The following LRP12 variants were observed in gnomAD, a reference collection of about 807,000 sequenced individuals.
The protein encoded by LRP12 is LDL receptor related protein 12, also known as low-density lipoprotein receptor-related protein 12.
Under a neutral mutation model 66.0 loss-of-function variants are expected in LRP12, and 14 were observed. The observed-to-expected ratio is 0.21, with a 90% CI of 0.14 to 0.33. The LOEUF (loss-of-function observed/expected upper bound fraction) is 0.33, where lower values mean the gene tolerates loss of function less well. LRP12 is among the 10% of genes least tolerant of loss of function. The pLI, the probability that LRP12 is intolerant of heterozygous loss-of-function variation, is 1.00. For synonymous variants in LRP12, 357 were observed against 359.1 expected, an observed-to-expected ratio of 0.99 and a Z score of 0.07; for missense variants, 889 against 1,053.4, an observed-to-expected ratio of 0.84 and a Z score of 2.16.
At chr8:104,504,398 T>C (rs1458387897) in intron 3 of LRP12, 2 of 152,160 alleles carry the variant, frequency 1.3e-5, no homozygotes, top group African/African-American at 4.8e-5. Context: ...TTGAGTTAAA[T>C]GCTGAGCTTA....
chr8:104,588,644 G>A (rs1467462339), intron 1 of LRP12, among the ~76,000 whole-genome samples, 175 bp downstream of exon 1: 1 of 152,062 alleles, frequency 6.6e-6, no homozygotes, highest in Non-Finnish European at 1.5e-5. Context: ...GTGGAGAAAA[G>A]CATCTCCGTG....
chr8:104,586,458 TTTCA>T lies in LRP12; in HGVS notation c.79+2357_79+2360del, dbSNP rs367724147. ...GTTAACAGTGATTGTGAATATTCAG[TTTCA>T]TTAACAGAGCTAATTATTTTTGAAG... is the stretch of plus-strand genomic sequence containing the variant. On this transcript the variant is annotated intron_variant, in intron 1 of 6. Coordinates refer to ENST00000276654, the MANE Select transcript of LRP12 (RefSeq NM_013437.5). Among the ~76,000 whole-genome samples, 881 of 152,338 alleles carry T rather than the reference TTTCA, an allele frequency of 5.8e-3. 9 individuals are homozygous for T. The highest frequency in any genetic ancestry group is 0.02 in the African/African-American group (828 of 41,572).
intron 1 of LRP12, among the ~76,000 whole-genome samples, chr8:104,568,901 G>C (rs926067185): frequency 6.6e-6 from 1 of 152,140 alleles, no homozygotes; most frequent in African/African-American, 2.4e-5. Context: ...ATTACTATAT[G>C]AGTCAGTAAT....
chr8:104,513,934 G>A, intron 2 of LRP12, among the ~76,000 whole-genome samples: 1 of 152,142 alleles, frequency 6.6e-6, no homozygotes, highest in East Asian at 1.9e-4. Flanking sequence ...AACATGATCA[G>A]ACCTGTGTGT....
chr8:104,567,600 CA>C (rs1277277480), intron 1 of LRP12, among the ~76,000 whole-genome samples: 1 of 152,034 alleles, frequency 6.6e-6, no homozygotes, highest in African/African-American at 2.4e-5. Context: ...AAGGTATTCA[CA>C]GAAACAAAAA....
chr8:104,494,215 T>C (rs1810684678), intron 6 of LRP12, among the ~76,000 whole-genome samples: 1 of 152,192 alleles, frequency 6.6e-6, no homozygotes, highest in African/African-American at 2.4e-5. Context: ...CTTAGGTTTT[T>C]CCTACTTTGC....
chr8:104,505,856 T>A (rs1002376373), intron 3 of LRP12: 1 of 152,214 alleles, frequency 6.6e-6, no homozygotes, highest in Non-Finnish European at 1.5e-5. Flanking sequence ...GAATATTCGG[T>A]GTTTCTCCTG....
At chr8:104,570,153 C>A (rs1042517658) in intron 1 of LRP12, among the ~76,000 whole-genome samples, 3 of 152,090 alleles carry the variant, frequency 2.0e-5, no homozygotes, top group African/African-American at 7.2e-5. Flanking sequence ...ATTAACAGAG[C>A]AACTCTGCAT....
intron 1 of LRP12, among the ~76,000 whole-genome samples, chr8:104,567,361 A>T (rs1178063010): frequency 6.6e-6 from 1 of 152,172 alleles, no homozygotes; most frequent in Non-Finnish European, 1.5e-5. Context: ...AACCCCTCAT[A>T]AACACATCAG....
Position 104,499,493 on chromosome 8 carries a change from G to T in LRP12, c.299C>A (p.Ser100Tyr). Residue 100 changes from serine (S) to tyrosine (Y), a missense_variant, in exon 4 of 7, where the codon TCC becomes TAC. Transcript: ENST00000276654. ...CAACCAGTCCAAATTGCACCTTCTG[G>T]ATCCTTGAATATCAAAATCCTGAAA... ...ISFQDFDIQG[S>Y]RRCNLDWLTI... 6.2e-7 allele frequency: 1 copy of T among 1,601,912 alleles called. No individual in the cohort carries two copies. The highest frequency in any genetic ancestry group is 8.5e-7 in the Non-Finnish European group (1 of 1,176,598).
chr8:104,516,887 A>G (rs572261022), intron 2 of LRP12, among the ~76,000 whole-genome samples: 2 of 152,188 alleles, frequency 1.3e-5, no homozygotes, highest in African/African-American at 4.8e-5. Flanking sequence ...AAGAAAAAGT[A>G]TAATTTCCTG....
chr8:104,521,711 A>G (rs1811154647), intron 2 of LRP12, among the ~76,000 whole-genome samples: 1 of 151,612 alleles, frequency 6.6e-6, no homozygotes, highest in Non-Finnish European at 1.5e-5. Context: ...TTCTGTTTTT[A>G]TATTCTGAAA....
chr8:104,563,215 T>C (rs561020785), intron 1 of LRP12, among the ~76,000 whole-genome samples: 8 of 152,304 alleles, frequency 5.3e-5, no homozygotes, highest in African/African-American at 1.9e-4. Context: ...GATGTATGTA[T>C]ATGTATTTAT....
rs749903286 is a variant in LRP12 at position 104,588,877 on chromosome 8, T to C, written c.21A>G (p.Thr7=). The change falls in exon 1 of 7, where the codon ACA becomes ACG. Residue 7 remains threonine, a synonymous_variant. Transcript: ENST00000276654. ...CAGACCTCCACCGCGGAGACTCTTTTGTGCTCCAGCGACAGGCCATAACCA... is the reference window on the plus strand; with the variant it reads ...CAGACCTCCACCGCGGAGACTCTTTCGTGCTCCAGCGACAGGCCATAACCA... The part of the protein sequence containing the change: MACRWS[T]KESPRWRSAL... The C allele has an allele frequency of 2.0e-5, 33 of 1,611,056 alleles. No homozygotes were observed. In the South Asian group the frequency reaches 3.2e-4, roughly 16 times the overall value.
intron 2 of LRP12, among the ~76,000 whole-genome samples, chr8:104,525,378 C>T (rs934488919): frequency 1.3e-5 from 2 of 151,762 alleles, no homozygotes; most frequent in African/African-American, 4.8e-5. Flanking sequence ...TCAGAACGAG[C>T]AAAAAGGCAA....
intron 2 of LRP12, among the ~76,000 whole-genome samples, chr8:104,520,728 C>T (rs574723426): frequency 1.3e-4 from 20 of 152,124 alleles, no homozygotes; most frequent in Middle Eastern, 6.8e-3. Flanking sequence ...AACTGATACC[C>T]AAGTACAGTT....
intron 1 of LRP12, among the ~76,000 whole-genome samples, chr8:104,555,403 G>A (rs749307892): frequency 3.3e-5 from 5 of 152,094 alleles, no homozygotes; most frequent in Admixed American, 6.6e-5. Flanking sequence ...CGCCAACCAC[G>A]TATCTGCTGT....
chr8:104,548,505 CTATAT>C (rs991176063), intron 1 of LRP12, among the ~76,000 whole-genome samples: 4 of 117,980 alleles, frequency 3.4e-5, no homozygotes, highest in Admixed American at 9.4e-5. Flanking sequence ...ATATATAATT[CTATAT>C]TATATTTTGT....
intron 2 of LRP12, among the ~76,000 whole-genome samples, chr8:104,525,896 C>T (rs945747855): frequency 3.9e-5 from 6 of 152,140 alleles, no homozygotes; most frequent in African/African-American, 7.2e-5. Context: ...CAAATTGTCC[C>T]TGTTTGCAGA....
Sources: gnomAD v4.1 joint callset for allele counts (sites outside exome capture counted in the v4.1 genomes callset) on GRCh38, gnomAD v4.1.1 for gene constraint, MANE v1.5 for transcripts, NCBI Gene and HGNC (gene_info 2026-07-23, HGNC 2026-07-21) for gene names.